NWD2: variants seen among roughly 807,000 people sequenced by gnomAD.
NWD2 encodes NACHT and WD repeat domain-containing protein 2.
In NWD2, 37 loss-of-function variants were observed where a neutral mutation model predicts 132.7. The observed-to-expected ratio is 0.28, with a 90% CI of 0.21 to 0.37. The LOEUF is 0.37. NWD2 is among the 10% of genes least tolerant of loss of function. The probability of loss-of-function intolerance (pLI) is 1.00; values close to 1 mark genes in which losing one functional copy is unlikely to be tolerated. For synonymous variants in NWD2, 705 were observed against 803.0 expected (o/e 0.88, Z 2.06); for missense variants, 1,592 against 2,122.4 (o/e 0.75, Z 4.91).
intron 1 of NWD2, 149 bp from the exon 2 acceptor site, chr4:37,325,787 C>T (rs1200753986): frequency 7.1e-6 from 4 of 565,370 alleles, no homozygotes; most frequent in East Asian, 6.2e-5. Flanking sequence ...GGCAGGTCTA[C>T]ACCAACAGCC....
In NWD2 at chr4:37,404,004, C is replaced by A. The variant is rs900635045; in HGVS notation, c.358-26568C>A. ...GAGTGAGAGACCTATAGAATTAGATCCACATTCCTCAGCCAGTCCCCACTT... is the reference window on the plus strand; with the variant it reads ...GAGTGAGAGACCTATAGAATTAGATACACATTCCTCAGCCAGTCCCCACTT... On this transcript the variant is annotated intron_variant, in intron 3 of 6. Coordinates refer to ENST00000309447, the MANE Select transcript of NWD2 (RefSeq NM_001144990.2). Among the ~76,000 whole-genome samples the A allele has an allele frequency of 2.6e-5, 4 of 152,240 alleles. No homozygotes were observed. The South Asian group carries it at 8.3e-4, about 32-fold the overall frequency.
intron 1 of NWD2, among the ~76,000 whole-genome samples, chr4:37,277,412 TTGA>T (rs1482122514): frequency 6.6e-6 from 1 of 152,128 alleles, no homozygotes; most frequent in Non-Finnish European, 1.5e-5. Context: ...TTTGCTATGT[TTGA>T]TGTCCCACAG....
intron 1 of NWD2, among the ~76,000 whole-genome samples, chr4:37,263,937 A>G (rs1002189412): frequency 1.3e-5 from 2 of 152,194 alleles, no homozygotes; most frequent in Non-Finnish European, 2.9e-5. Context: ...AGATTAAATA[A>G]TACTTTCTGG....
At position 37,447,611 on chromosome 4, in the gene NWD2, T is replaced by C. The variant is rs945371186; in HGVS notation, c.*394T>C. ...TGAAATCATGAAGACAAAGAGCTGC[T>C]TGACTTCAAATGATTGTGTGATAAG... On this transcript the variant is annotated 3_prime_UTR_variant, in exon 7 of 7. Transcript: ENST00000309447. 5.0e-6 allele frequency: 1 copy of C among 201,188 alleles called. No individual in the cohort carries two copies. Among genetic ancestry groups the C allele is most frequent in the East Asian group, 1.2e-4 (1 of 8,618 alleles). The allele number at this position is 201,188 out of a possible 1,614,324, so 12.5% of individuals were successfully genotyped here. A position where few individuals can be genotyped will look rare whatever the true frequency, so the allele number is the denominator to read the frequency against.
intron 1 of NWD2, among the ~76,000 whole-genome samples, chr4:37,275,157 G>A: frequency 6.6e-6 from 1 of 152,048 alleles, no homozygotes; most frequent in Non-Finnish European, 1.5e-5. Context: ...TTTGTAAATG[G>A]CATGATTGTA....
chr4:37,387,415 G>A (rs1435158965), intron 3 of NWD2, among the ~76,000 whole-genome samples: 4 of 151,736 alleles, frequency 2.6e-5, no homozygotes, highest in African/African-American at 7.3e-5. Context: ...GTAGCCATTC[G>A]GGGCTAATGA....
chr4:37,428,969 T>C (rs893327021), intron 3 of NWD2, among the ~76,000 whole-genome samples: 4 of 152,264 alleles, frequency 2.6e-5, no homozygotes, highest in Middle Eastern at 3.4e-3. Context: ...TGACCTGAGG[T>C]GATCTGCTCG....
chr4:37,272,190 T>C lies in NWD2; in HGVS notation c.151+26972T>C, dbSNP rs917838873. ...GTATTAATATTACCTTTTTATATAT[T>C]GCTGTGTTTAATTTTCTAATATTTT... On this transcript the variant is annotated intron_variant, in intron 1 of 6. Coordinates refer to ENST00000309447, the MANE Select transcript of NWD2 (RefSeq NM_001144990.2). 2.0e-4 allele frequency among the ~76,000 whole-genome samples: 30 copies of C among 151,916 alleles called. 1 individual carries two copies. Among genetic ancestry groups the C allele is most frequent in the Middle Eastern group, 3.4e-3 (1 of 294 alleles).
In NWD2 at chr4:37,446,145, C is replaced by T; in HGVS notation, c.4157C>T (p.Thr1386Ile). 6.4e-7 allele frequency: 1 copy of T among 1,551,742 alleles called. No homozygotes were observed. Among genetic ancestry groups the T allele is most frequent in the Non-Finnish European group, 8.7e-7 (1 of 1,147,022 alleles). Residue 1386 changes from threonine to isoleucine, a missense_variant, in exon 7 of 7, where the codon ACC becomes ATC. Physicochemically the swap from Thr to Ile is moderately conservative, Grantham distance 89. This residue lies in a region of NWD2 where 1,071 missense variants were observed against 1,398.0 expected (regional missense o/e 0.77). Transcript: ENST00000309447. The surrounding 1 kb of genome is among the most constrained non-coding windows in gnomAD (Gnocchi z 6.7). ...AAAAGCAGCCAGTATGTCTGGCACA[C>T]CAGCAGTGGTGAAAACCTTTTTCGA... ...DDKSSQYVWH[T>I]SSGENLFRIN...
chr4:37,305,790 T>C (rs139984421), intron 1 of NWD2, among the ~76,000 whole-genome samples: 1 of 152,210 alleles, frequency 6.6e-6, no homozygotes, highest in Non-Finnish European at 1.5e-5. Context: ...GTTTTCTTTT[T>C]TGGCTGTCTT....
At chr4:37,368,436 T>C (rs1720143157) in intron 3 of NWD2, among the ~76,000 whole-genome samples, 1 of 152,192 alleles carries the variant, frequency 6.6e-6, no homozygotes, top group Admixed American at 6.6e-5. Flanking sequence ...CTATCATATG[T>C]AAAACTGTGC....
chr4:37,369,422 C>A (rs1720171112), intron 3 of NWD2, among the ~76,000 whole-genome samples: 1 of 152,222 alleles, frequency 6.6e-6, no homozygotes, highest in Admixed American at 6.5e-5. Flanking sequence ...CCCCCACTTC[C>A]CTGTCTCTAT....
intron 3 of NWD2, among the ~76,000 whole-genome samples, chr4:37,424,835 A>T (rs369766166): frequency 5.3e-5 from 8 of 152,196 alleles, no homozygotes; most frequent in Admixed American, 5.2e-4. Context: ...CACCTTCAAG[A>T]ATACTTATTC....
intron 2 of NWD2, among the ~76,000 whole-genome samples, chr4:37,340,688 GT>G (rs1719502710): frequency 6.6e-6 from 1 of 152,160 alleles, no homozygotes; most frequent in African/African-American, 2.4e-5. Context: ...AGATGGCTAG[GT>G]TAAAAGAATA....
At chr4:37,401,739 A>G (rs1256579789) in intron 3 of NWD2, among the ~76,000 whole-genome samples, 2 of 152,186 alleles carry the variant, frequency 1.3e-5, no homozygotes, top group East Asian at 1.9e-4. Context: ...TAGAACAAGT[A>G]TCTTCTGCAC....
At chr4:37,289,464 C>T (rs996574706) in intron 1 of NWD2, among the ~76,000 whole-genome samples, 1 of 152,112 alleles carries the variant, frequency 6.6e-6, no homozygotes, top group African/African-American at 2.4e-5. Context: ...TACTTACCCC[C>T]AAGATTCTAC....
intron 1 of NWD2, among the ~76,000 whole-genome samples, chr4:37,285,465 G>C (rs1244285939): frequency 1.3e-5 from 2 of 151,816 alleles, no homozygotes; most frequent in Non-Finnish European, 2.9e-5. Flanking sequence ...TATATTTATA[G>C]TAATATAGAA....
Position 37,446,063 on chromosome 4 carries a change from A to G in NWD2, c.4075A>G (p.Ile1359Val). 1 of 1,551,840 alleles carries G rather than the reference A, an allele frequency of 6.4e-7. No homozygotes were observed. The highest frequency in any genetic ancestry group is 1.4e-5 in the African/African-American group (1 of 73,188). The stretch of plus-strand genomic sequence containing the variant: ...CGAAGCAGTATTCAAGCATGAAGGA[A>G]TAGTTGAACACTGTGTGTTAACATC... ...FIEAVFKHEG[I>V]VEHCVLTSTG... is the part of the protein sequence containing the mutation. The change falls in exon 7 of 7, where the codon ATA becomes GTA. Residue 1359 changes from isoleucine (I) to valine (V), a missense_variant. Transcript: ENST00000309447. This position sits in a 1 kb window ranked among gnomAD's most constrained non-coding sequence, Gnocchi z 6.7.
At chr4:37,324,531 G>A (rs1331255924) in intron 1 of NWD2, among the ~76,000 whole-genome samples, 1 of 152,054 alleles carries the variant, frequency 6.6e-6, no homozygotes, top group Non-Finnish European at 1.5e-5. Context: ...CTGATCTCAA[G>A]ATTATAGAAA....
Sources: gnomAD v4.1 joint callset for allele counts (sites outside exome capture counted in the v4.1 genomes callset) on GRCh38, gnomAD v4.1.1 for gene constraint, gnomAD v4.1.1 regional missense constraint, Gnocchi (gnomAD v3.1) non-coding constraint, MANE v1.5 for transcripts, NCBI Gene and HGNC (gene_info 2026-07-23, HGNC 2026-07-21) for gene names.